Variants in TPRG1 observed in about 807,000 individuals in gnomAD.
TPRG1 encodes tumor protein p63-regulated gene 1 protein.
A neutral mutation model predicts 29.3 loss-of-function variants in TPRG1; 29 were observed. The observed-to-expected ratio is 0.99, with a 90% CI of 0.74 to 1.35. TPRG1 has a LOEUF of 1.35. Ranked by LOEUF, TPRG1 falls within the 40% of genes most tolerant of loss-of-function variation. The pLI is 0.00. For synonymous variants in TPRG1, 130 were observed against 116.8 expected (o/e 1.11, Z -0.73); for missense variants, 327 against 335.0 (o/e 0.98, Z 0.19).
At chr3:189,089,269 T>C (rs1718180038) in intron 4 of TPRG1, among the ~76,000 whole-genome samples, 1 of 152,206 alleles carries the variant, frequency 6.6e-6, no homozygotes. Flanking sequence ...AGAAATACTC[T>C]GATTATTTTT....
At chr3:189,081,265 G>C (rs764203890) in intron 4 of TPRG1, among the ~76,000 whole-genome samples, 5 of 152,142 alleles carry the variant, frequency 3.3e-5, no homozygotes, top group Non-Finnish European at 5.9e-5. Context: ...GAAAAAATGC[G>C]TGGGGAGAGG....
chr3:189,094,912 G>A (rs1465182669), intron 4 of TPRG1, among the ~76,000 whole-genome samples: 1 of 152,136 alleles, frequency 6.6e-6, no homozygotes, highest in Non-Finnish European at 1.5e-5. Flanking sequence ...CATCCATCCT[G>A]GAGGAGCAGG....
intron 4 of TPRG1, among the ~76,000 whole-genome samples, chr3:189,064,480 A>G (rs1293430836): frequency 6.6e-6 from 1 of 152,190 alleles, no homozygotes; most frequent in African/African-American, 2.4e-5. Context: ...AAAAGATTAG[A>G]AAAAAAGCAA....
intron 2 of TPRG1, among the ~76,000 whole-genome samples, chr3:189,210,893 A>G (rs1465456514): frequency 6.6e-6 from 1 of 152,042 alleles, no homozygotes; most frequent in Non-Finnish European, 1.5e-5. Flanking sequence ...TTGTAAATTC[A>G]GAAGGGTAGT....
At chr3:189,223,482 C>T (rs1327373602) in intron 3 of TPRG1, among the ~76,000 whole-genome samples, 1 of 152,172 alleles carries the variant, frequency 6.6e-6, no homozygotes, top group African/African-American at 2.4e-5. Flanking sequence ...TCTATAAATT[C>T]ACCATGGCAG....
chr3:189,276,799 C>T lies in TPRG1; in HGVS notation c.480-33587C>T, dbSNP rs138323545. Among the ~76,000 whole-genome samples, 4 of 152,220 alleles carry T rather than the reference C, an allele frequency of 2.6e-5. No individual in the cohort carries two copies. In the East Asian group the frequency reaches 7.7e-4, roughly 29 times the overall value. Reference sequence around the variant, plus strand: ...TTCTGCTTGGAACATATACATGCCCCCTTAAGCAAGCTGCTTCCTTGGGAA... The same window carrying T: ...TTCTGCTTGGAACATATACATGCCCTCTTAAGCAAGCTGCTTCCTTGGGAA... On this transcript the variant is annotated intron_variant, in intron 4 of 5. Coordinates refer to ENST00000345063, the MANE Select transcript of TPRG1 (RefSeq NM_198485.4).
intron 1 of TPRG1, among the ~76,000 whole-genome samples, chr3:189,126,010 T>A (rs1261867726): frequency 6.6e-6 from 1 of 152,106 alleles, no homozygotes; most frequent in African/African-American, 2.4e-5. Context: ...CAAAGTGGAT[T>A]TCTCCCTGCC....
intron 4 of TPRG1, among the ~76,000 whole-genome samples, chr3:189,046,801 A>G (rs1715004575): frequency 6.6e-6 from 1 of 152,138 alleles, no homozygotes; most frequent in African/African-American, 2.4e-5. Context: ...AGGGAAGACA[A>G]TTTTTACTTA....
chr3:189,149,207 G>C (rs566537815), intron 4 of TPRG1, among the ~76,000 whole-genome samples: 1 of 152,162 alleles, frequency 6.6e-6, no homozygotes, highest in Non-Finnish European at 1.5e-5. Context: ...TAACGGACAC[G>C]TGTAGGGAGG....
intron 4 of TPRG1, among the ~76,000 whole-genome samples, chr3:189,066,678 A>G (rs1325467572): frequency 1.3e-5 from 2 of 152,062 alleles, no homozygotes; most frequent in Non-Finnish European, 2.9e-5. Context: ...CCTCAATACA[A>G]TAAAAGCCAT....
chr3:189,017,288 TTACATATG>T (rs1332007767), intron 3 of TPRG1, among the ~76,000 whole-genome samples: 1 of 152,028 alleles, frequency 6.6e-6, no homozygotes, highest in African/African-American at 2.4e-5. Flanking sequence ...TGCAGGTTAG[TTACATATG>T]TATACATGTG....
intron 1 of TPRG1, among the ~76,000 whole-genome samples, chr3:189,179,518 C>T (rs985472435): frequency 6.6e-6 from 1 of 152,196 alleles, no homozygotes; most frequent in African/African-American, 2.4e-5. Context: ...TGACTTTCTG[C>T]AGTTGCATTG....
At chr3:189,236,129 A>C (rs1739421464) in intron 3 of TPRG1, among the ~76,000 whole-genome samples, 1 of 152,224 alleles carries the variant, frequency 6.6e-6, no homozygotes, top group Admixed American at 6.5e-5. Flanking sequence ...GGTGGCCCCA[A>C]ACTATTTATA....
chr3:189,310,219 T>A (rs973198355), intron 4 of TPRG1, 167 bp from the exon 5 acceptor site: 5 of 478,744 alleles, frequency 1.0e-5, no homozygotes, highest in African/African-American at 9.7e-5. Context: ...CACCTTGAAT[T>A]TCCTATTTTT....
At chr3:189,106,825 G>A (rs1719884076) in intron 1 of TPRG1, among the ~76,000 whole-genome samples, 1 of 151,954 alleles carries the variant, frequency 6.6e-6, no homozygotes, top group East Asian at 1.9e-4. Context: ...TCCATCTGAT[G>A]AACCTAGGGC....
At chr3:189,231,943 TTGTGTGTGTG>T (rs10576562) in intron 3 of TPRG1, among the ~76,000 whole-genome samples, 2 of 147,586 alleles carry the variant, frequency 1.4e-5, no homozygotes, top group African/African-American at 5.0e-5. Flanking sequence ...CAAACCTGGT[TTGTGTGTGTG>T]TGTGTGTGTG....
At chr3:189,223,209 T>C (rs771176683) in intron 3 of TPRG1, among the ~76,000 whole-genome samples, 1 of 152,206 alleles carries the variant, frequency 6.6e-6, no homozygotes, top group South Asian at 2.1e-4. Context: ...TAATCCACTG[T>C]ATGAAGCCCT....
rs1716953119 is a variant in TPRG1 at position 189,073,869 on chromosome 3, T to G, written c.-463+49923T>G. ...AATAGCATGTATGCTACCAATATTC[T>G]CTTGTATTTTTACTTTTTATGGTTA... On this transcript the variant is annotated intron_variant, in intron 4 of 10. Transcript: ENST00000433971. Among the ~76,000 whole-genome samples, 4 of 152,312 alleles carry G rather than the reference T, an allele frequency of 2.6e-5. No homozygotes were observed. In the South Asian group the frequency reaches 8.3e-4, roughly 32 times the overall value.
intron 2 of TPRG1, 68 bp from the exon 3 acceptor site, chr3:189,215,224 C>G: frequency 1.5e-6 from 2 of 1,328,542 alleles, no homozygotes; most frequent in South Asian, 1.4e-5. Flanking sequence ...CTGGAATATA[C>G]TAACTAATCA....
Sources: gnomAD v4.1 joint callset for allele counts (sites outside exome capture counted in the v4.1 genomes callset) on GRCh38, gnomAD v4.1.1 for gene constraint, MANE v1.5 for transcripts, NCBI Gene and HGNC (gene_info 2026-07-23, HGNC 2026-07-21) for gene names.